UNKL: variants seen among roughly 807,000 people sequenced by gnomAD.
The protein encoded by UNKL is unk like zinc finger, also known as putative E3 ubiquitin-protein ligase UNKL.
In UNKL, 60 loss-of-function variants were observed where a neutral mutation model predicts 78.0. The ratio of observed to expected loss-of-function variants is 0.77; its 90% CI spans 0.63 to 0.95. UNKL has a LOEUF of 0.95. Among genes scored for constraint, UNKL ranks in the 40% least tolerant of loss-of-function variants. The pLI, the probability that UNKL is intolerant of heterozygous loss-of-function variation, is 0.00. For missense variants in UNKL, 1,159 were observed against 1,045.7 expected, an observed-to-expected ratio of 1.11 and a Z score of -1.49; for synonymous variants, 608 against 474.8, an observed-to-expected ratio of 1.28 and a Z score of -3.65.
At position 1,410,693 on chromosome 16, in the gene UNKL, G is replaced by A. The variant is rs560972681; in HGVS notation, c.287+3153C>T. On this transcript the variant is annotated intron_variant, in intron 2 of 14. Coordinates refer to ENST00000389221, the MANE Select transcript of UNKL (RefSeq NM_001372107.1). ...AGGACCCCCACACCAGAGTTAAGCAGCAGTGGCCCTACTTGCAACTCAGGA... is the reference window on the plus strand; with the variant it reads ...AGGACCCCCACACCAGAGTTAAGCAACAGTGGCCCTACTTGCAACTCAGGA... 5.3e-5 allele frequency among the ~76,000 whole-genome samples: 8 copies of A among 152,322 alleles called. No individual in the cohort carries two copies. In the South Asian group the frequency reaches 1.4e-3, roughly 28 times the overall value.
intron 9 of UNKL, among the ~76,000 whole-genome samples, chr16:1,385,787 C>T (rs914601398): frequency 1.5e-4 from 23 of 152,378 alleles, no homozygotes; most frequent in Admixed American, 5.2e-4. Flanking sequence ...GCCCCCGCCC[C>T]GGCTCTCGCC....
At chr16:1,376,726 T>C (rs9926835) in intron 10 of UNKL, among the ~76,000 whole-genome samples, 143,295 of 152,134 alleles carry the variant, frequency 0.94, 67,542 homozygotes, top group East Asian at 1. Context: ...GGACGCCTGA[T>C]GCTGCGGATA....
chr16:1,405,439 T>A (rs549914047), intron 2 of UNKL, among the ~76,000 whole-genome samples: 2 of 151,958 alleles, frequency 1.3e-5, no homozygotes, highest in South Asian at 2.1e-4. Context: ...TAGCCGGGCA[T>A]GATAGCAGGC....
intron 2 of UNKL, among the ~76,000 whole-genome samples, chr16:1,404,655 C>G (rs184984181): frequency 1.3e-5 from 2 of 152,318 alleles, no homozygotes; most frequent in Admixed American, 6.5e-5. Context: ...CAGGAGACAC[C>G]TGCACACCCA....
At position 1,370,189 on chromosome 16, in the gene UNKL, G is replaced by A. The variant is rs1003170734; in HGVS notation, c.1526C>T (p.Pro509Leu). 6.6e-7 allele frequency: 1 copy of A among 1,519,802 alleles called. No individual in the cohort carries two copies. Among genetic ancestry groups the A allele is most frequent in the Non-Finnish European group, 8.9e-7 (1 of 1,129,778 alleles). The allele number at this position is 1,519,802 out of a possible 1,614,324, so 94.1% of individuals were successfully genotyped here. A position where few individuals can be genotyped will look rare whatever the true frequency, so the allele number is the denominator to read the frequency against. The change falls in exon 12 of 15, where the codon CCA becomes CTA. Residue 509 changes from proline to leucine, a missense_variant. Physicochemically the swap from Pro to Leu is moderately conservative, Grantham distance 98. Coordinates refer to ENST00000389221, the MANE Select transcript of UNKL (RefSeq NM_001372107.1). ...SSAMTPPQQP[P>L]PLRSEPGTLG... ...TGTGCCCGGCTCTGAACGCAGGGGT[G>A]GCGGCTGCTGGGGAGGCGTCATGGC...
rs2036858462 is a variant in UNKL, at chr16:1,387,386, C to G, written c.1087-2001G>C. The stretch of plus-strand genomic sequence containing the variant: ...TGCCATCTCAGTGGCAACCCGCCCC[C>G]TATCCCTTGCACTTCCTGTCCCTGC... On this transcript the variant is annotated intron_variant, in intron 9 of 14. Coordinates refer to ENST00000389221, the MANE Select transcript of UNKL (RefSeq NM_001372107.1). This position sits in a 1 kb window ranked among gnomAD's most constrained non-coding sequence, Gnocchi z 4.1. Among the ~76,000 whole-genome samples, 1 of 152,174 alleles carries G rather than the reference C, an allele frequency of 6.6e-6. No individual in the cohort carries two copies. Among genetic ancestry groups the G allele is most frequent in the South Asian group, 2.1e-4 (1 of 4,834 alleles).
At chr16:1,379,683 A>G (rs922041459) in intron 10 of UNKL, 35 of 981,880 alleles carry the variant, frequency 3.6e-5, no homozygotes, top group Non-Finnish European at 4.2e-5. Context: ...GGGGATTCAA[A>G]CCCGGCCCGC....
rs1241919739 is a variant in UNKL, at chr16:1,364,978, A to G, written c.*1262T>C. The G allele has an allele frequency of 6.6e-6, 1 of 151,058 alleles. No individual in the cohort carries two copies. The highest frequency in any genetic ancestry group is 2.4e-5 in the African/African-American group (1 of 41,062). The allele number at this position is 151,058 out of a possible 1,614,324, so 9.4% of individuals were successfully genotyped here. The stretch of plus-strand genomic sequence containing the variant: ...AGCACCATTGCCTAGGACAGCTCTG[A>G]GTAATCAGAAAACAGCTTTTTTTTT... On this transcript the variant is annotated 3_prime_UTR_variant, in exon 15 of 15. Transcript: ENST00000389221.
Position 1,414,658 on chromosome 16 carries a change from G to GCGCCGCTGC in UNKL, c.25_33dup (p.Ala9_Ala11dup). 8.7e-7 allele frequency: 1 copy of GCGCCGCTGC among 1,150,472 alleles called. No homozygotes were observed. The highest frequency in any genetic ancestry group is 1.1e-6 in the Non-Finnish European group (1 of 923,822). The allele number at this position is 1,150,472 out of a possible 1,614,324, so 71.3% of individuals were successfully genotyped here. A position where few individuals can be genotyped will look rare whatever the true frequency, so the allele number is the denominator to read the frequency against. On this transcript the variant is annotated inframe_insertion, in exon 1 of 15. Transcript: ENST00000389221. ...TCAGTCTGCGGGGGGGACCCGCTCA[G>GCGCCGCTGC]CGCCGCTGCCGCCGCTTTCGAAACC...
intron 2 of UNKL, among the ~76,000 whole-genome samples, chr16:1,413,129 C>G (rs537731113): frequency 6.6e-6 from 1 of 152,008 alleles, no homozygotes; most frequent in South Asian, 2.1e-4. Context: ...CCTGTAGTCC[C>G]AGCTACTTGG....
At position 1,366,343 on chromosome 16, in the gene UNKL, T is replaced by TG; in HGVS notation, c.2098dup (p.His700ProfsTer15). ...CTGACAGGGCCGCAGGACAGCACCGTGGGCCCGCTCCCGGCAGGCCACACA... is the reference window on the plus strand; with the variant it reads ...CTGACAGGGCCGCAGGACAGCACCGTGGGGCCCGCTCCCGGCAGGCCACACA... On this transcript the variant is annotated frameshift_variant, in exon 15 of 15. Coordinates refer to ENST00000389221, the MANE Select transcript of UNKL (RefSeq NM_001372107.1). LOFTEE classifies it low-confidence loss of function (END_TRUNC). 1 of 1,604,854 alleles carries TG rather than the reference T, an allele frequency of 6.2e-7. No homozygotes were observed. Among genetic ancestry groups the TG allele is most frequent in the Non-Finnish European group, 8.5e-7 (1 of 1,176,384 alleles).
intron 10 of UNKL, among the ~76,000 whole-genome samples, chr16:1,372,075 T>A (rs1293939204): frequency 3.6e-5 from 5 of 137,926 alleles, no homozygotes; most frequent in Non-Finnish European, 7.7e-5. Flanking sequence ...GCTAACACGG[T>A]GAAACCCCGT....
intron 10 of UNKL, among the ~76,000 whole-genome samples, chr16:1,384,630 A>T (rs750808718): frequency 3.4e-5 from 5 of 148,462 alleles, no homozygotes; most frequent in Non-Finnish European, 7.4e-5. Context: ...AGATGGTCTC[A>T]CTCTCTCACC....
At chr16:1,401,940 C>T (rs1192165797) in intron 3 of UNKL, among the ~76,000 whole-genome samples, 3 of 152,210 alleles carry the variant, frequency 2.0e-5, no homozygotes, top group African/African-American at 7.2e-5. Context: ...CTCTGTCCCC[C>T]AGGCTGGAGT....
rs536853321 is a variant in UNKL, at chr16:1,396,316, G to A, written c.852+862C>T. ...GTCCTCCAAGCTGGAGTGCAGTGGC[G>A]TGATCTCGGCTCACTCTAAGCTCTG... On this transcript the variant is annotated intron_variant, in intron 6 of 14. Coordinates refer to ENST00000389221, the MANE Select transcript of UNKL (RefSeq NM_001372107.1). Among the ~76,000 whole-genome samples, 35 of 149,862 alleles carry A rather than the reference G, an allele frequency of 2.3e-4. No individual in the cohort carries two copies. The East Asian group carries it at 2.6e-3, about 11-fold the overall frequency.
At chr16:1,409,873 G>T (rs2142277907) in intron 2 of UNKL, among the ~76,000 whole-genome samples, 1 of 152,202 alleles carries the variant, frequency 6.6e-6, no homozygotes, top group South Asian at 2.1e-4. Flanking sequence ...CTGAGGTCAG[G>T]AGTTCAAGAC....
chr16:1,385,753 C>A (rs755209858), intron 9 of UNKL, among the ~76,000 whole-genome samples: 35 of 152,242 alleles, frequency 2.3e-4, no homozygotes, highest in Non-Finnish European at 4.7e-4. Flanking sequence ...AGCCTGCCTG[C>A]CCTTCTCCCC....
intron 9 of UNKL, among the ~76,000 whole-genome samples, chr16:1,389,264 T>C (rs959333213): frequency 1.3e-5 from 2 of 152,168 alleles, no homozygotes; most frequent in Admixed American, 1.3e-4. Context: ...AATTTGGAGA[T>C]AGGGCCTGTG....
At chr16:1,413,475 G>C (rs1402249455) in intron 2 of UNKL, among the ~76,000 whole-genome samples, 1 of 152,092 alleles carries the variant, frequency 6.6e-6, no homozygotes, top group East Asian at 1.9e-4. Context: ...GGCTGAGGCA[G>C]GAGAATCACT....
Sources: gnomAD v4.1 joint callset for allele counts (sites outside exome capture counted in the v4.1 genomes callset) on GRCh38, gnomAD v4.1.1 for gene constraint, Gnocchi (gnomAD v3.1) non-coding constraint, MANE v1.5 for transcripts, NCBI Gene and HGNC (gene_info 2026-07-23, HGNC 2026-07-21) for gene names.